The following PRKAG1 variants were observed in gnomAD, a reference collection of about 807,000 sequenced individuals.
PRKAG1 encodes the protein protein kinase AMP-activated non-catalytic subunit gamma 1.
A neutral mutation model predicts 48.2 loss-of-function variants in PRKAG1; 27 were observed. The observed-to-expected ratio is 0.56, with a 90% CI of 0.41 to 0.77. PRKAG1 has a LOEUF of 0.77. PRKAG1 is among the 30% of genes least tolerant of loss of function. The pLI, the probability that PRKAG1 is intolerant of heterozygous loss-of-function variation, is 0.00. For synonymous variants in PRKAG1, 130 were observed against 147.7 expected (o/e 0.88, Z 0.87); for missense variants, 287 against 398.3 (o/e 0.72, Z 2.38).
chr12:49,008,543 T>G (rs796743709), intron 2 of PRKAG1: 3 of 152,214 alleles, frequency 2.0e-5, no homozygotes, highest in African/African-American at 7.2e-5. Context: ...CTATATCGCG[T>G]TTTTATCTTT....
intron 2 of PRKAG1, chr12:49,012,752 G>A: frequency 2.8e-6 from 1 of 358,386 alleles, no homozygotes; most frequent in Non-Finnish European, 5.2e-6. Flanking sequence ...ACTGTTTCTG[G>A]ACTATGCAGA....
At position 49,005,709 on chromosome 12, in the gene PRKAG1, C is replaced by T; in HGVS notation, c.168+34G>A. 1 of 1,608,612 alleles carries T rather than the reference C, an allele frequency of 6.2e-7. No individual in the cohort carries two copies. The highest frequency in any genetic ancestry group is 2.2e-5 in the East Asian group (1 of 44,852). On this transcript the variant is annotated intron_variant, in intron 3 of 11. Transcript: ENST00000548065. The surrounding 1 kb of genome is among the most constrained non-coding windows in gnomAD (Gnocchi z 4.1). ...GATGAGAGGTATTAAACCACAGGCT[C>T]CAAAGGGGGAAGGGAAAAGAGGATT...
intron 7 of PRKAG1, 133 bp downstream of exon 7, chr12:49,004,831 G>T (rs939287361): frequency 3.2e-6 from 3 of 937,722 alleles, no homozygotes; most frequent in African/African-American, 3.3e-5. Context: ...GTGTGTGTGT[G>T]TGTGTGTGTG....
In PRKAG1 at chr12:49,005,026, G is replaced by A. The variant is rs201611001; in HGVS notation, c.356-8C>T. 1 of 1,613,860 alleles carries A rather than the reference G, an allele frequency of 6.2e-7. No individual in the cohort carries two copies. ...AGTCCTGGAGATACACCTCTGAAGGGAAAAGGGATGGGTCACAAAATACCA... is the reference window on the plus strand; with the variant it reads ...AGTCCTGGAGATACACCTCTGAAGGAAAAAGGGATGGGTCACAAAATACCA... On this transcript the variant is annotated splice_polypyrimidine_tract_variant and splice_region_variant and intron_variant, in intron 6 of 11. Transcript: ENST00000548065. The surrounding 1 kb of genome is among the most constrained non-coding windows in gnomAD (Gnocchi z 4.1).
At chr12:49,010,877 T>G (rs970083820) in intron 2 of PRKAG1, among the ~76,000 whole-genome samples, 2 of 151,652 alleles carry the variant, frequency 1.3e-5, no homozygotes, top group Non-Finnish European at 2.9e-5. Context: ...AGAGTCTTGC[T>G]CTGTCACCCA....
intron 1 of PRKAG1, chr12:49,018,345 G>T: frequency 4.4e-6 from 3 of 676,744 alleles, no homozygotes; most frequent in Non-Finnish European, 5.8e-6. Context: ...TGCAAGCGGA[G>T]ATCCCTCTGG....
At chr12:49,004,419 C>A in intron 8 of PRKAG1, 88 bp downstream of exon 8, 3 of 1,528,700 alleles carry the variant, frequency 2.0e-6, no homozygotes, top group Non-Finnish European at 2.7e-6. Flanking sequence ...GCCTGAGCAA[C>A]ACAGTGAGAC....
rs757742288 is a variant in PRKAG1 at position 49,003,799 on chromosome 12, C to T, written c.661G>A (p.Val221Ile). Residue 221 changes from valine to isoleucine, a missense_variant, in exon 9 of 12, where the codon GTA becomes ATA. Physicochemically the swap from Val to Ile is conservative, Grantham distance 29. Transcript: ENST00000548065. The part of the protein sequence containing the change: ...TPVYVALGIF[V>I]QHRVSALPVV... ...GGCAGGGCTGAGACTCGATGCTGTA[C>T]AAAAATCCCCAGAGCCACATAGACG... 1.2e-6 allele frequency: 2 copies of T among 1,613,958 alleles called. No homozygotes were observed. Among genetic ancestry groups the T allele is most frequent in the Non-Finnish European group, 1.7e-6 (2 of 1,179,924 alleles).
intron 2 of PRKAG1, among the ~76,000 whole-genome samples, chr12:49,007,002 T>C (rs1238573606): frequency 2.8e-5 from 4 of 140,810 alleles, no homozygotes; most frequent in African/African-American, 8.0e-5. Flanking sequence ...ATAAATTACA[T>C]TGGCTGGGCG....
In PRKAG1 at chr12:49,003,823, C is replaced by G; in HGVS notation, c.637G>C (p.Val213Leu). 1 of 1,614,048 alleles carries G rather than the reference C, an allele frequency of 6.2e-7. No homozygotes were observed. The highest frequency in any genetic ancestry group is 8.5e-7 in the Non-Finnish European group (1 of 1,179,970). ...NIAMVRTTTP[V>L]YVALGIFVQH... ...ACAAAAATCCCCAGAGCCACATAGA[C>G]GGGGGTGGTAGTGCGAACCATAGCA... The change falls in exon 9 of 12, where the codon GTC (valine) becomes CTC (leucine). Residue 213 changes from valine to leucine, a missense_variant. Physicochemically the swap from Val to Leu is conservative, Grantham distance 32 (BLOSUM62 1). Around this residue, in one of 2 missense-constraint regions of PRKAG1, gnomAD observed 224 missense variants for 344.3 expected, o/e 0.65. Transcript: ENST00000548065.
In PRKAG1 at chr12:49,005,103, C is replaced by T. The variant is rs1296250823; in HGVS notation, c.355+17G>A. 1.2e-6 allele frequency: 2 copies of T among 1,613,726 alleles called. No homozygotes were observed. Among genetic ancestry groups the T allele is most frequent in the East Asian group, 2.2e-5 (1 of 44,878 alleles). On this transcript the variant is annotated intron_variant, in intron 6 of 11. Transcript: ENST00000548065. This position sits in a 1 kb window ranked among gnomAD's most constrained non-coding sequence, Gnocchi z 4.1. ...CGCCATCCCTTTATCCTTTTATAAC[C>T]CCAATTCTCTACATACCTCTCCAAG... is the stretch of plus-strand genomic sequence containing the variant.
intron 2 of PRKAG1, among the ~76,000 whole-genome samples, chr12:49,012,311 G>A (rs936939387): frequency 6.6e-6 from 1 of 152,032 alleles, no homozygotes; most frequent in South Asian, 2.1e-4. Flanking sequence ...CTGTGCTCTG[G>A]ATTTTAGAGG....
Position 49,005,182 on chromosome 12 carries a change from C to T in PRKAG1, c.310-17G>A. ...GATCTGTACCTGAAAGCAGAAGCAA[C>T]AGAATTTGAGACCTGATCTCTCTGC... On this transcript the variant is annotated splice_polypyrimidine_tract_variant and intron_variant, in intron 5 of 11. Coordinates refer to ENST00000548065, the MANE Select transcript of PRKAG1 (RefSeq NM_002733.5). The surrounding 1 kb of genome is among the most constrained non-coding windows in gnomAD (Gnocchi z 4.1). 6.2e-7 allele frequency: 1 copy of T among 1,614,046 alleles called. No individual in the cohort carries two copies. The highest frequency in any genetic ancestry group is 8.5e-7 in the Non-Finnish European group (1 of 1,179,984).
At position 49,003,601 on chromosome 12, in the gene PRKAG1, G is replaced by A; in HGVS notation, c.704-6C>T. ...GTAGATGTCCACCACACGCCCTAGGGGGACAGAGGCAGCTCAGTAAGGAGG... is the reference window on the plus strand; with the variant it reads ...GTAGATGTCCACCACACGCCCTAGGAGGACAGAGGCAGCTCAGTAAGGAGG... On this transcript the variant is annotated splice_polypyrimidine_tract_variant and splice_region_variant and intron_variant, in intron 9 of 11. Transcript: ENST00000548065. The A allele has an allele frequency of 6.2e-7, 1 of 1,613,488 alleles. No individual in the cohort carries two copies.
Position 49,003,254 on chromosome 12 carries a change from CATCTAGG to C in PRKAG1, c.771_777del (p.Asn257LysfsTer4). 2 of 1,614,196 alleles carry C rather than the reference CATCTAGG, an allele frequency of 1.2e-6. No homozygotes were observed. Among genetic ancestry groups the C allele is most frequent in the Non-Finnish European group, 1.7e-6 (2 of 1,180,048 alleles). On this transcript the variant is annotated frameshift_variant, in exon 11 of 12. Coordinates refer to ENST00000548065, the MANE Select transcript of PRKAG1 (RefSeq NM_002733.5). LOFTEE classifies it high-confidence loss of function. ...TGTTGCAAGGCTTTAGTCACAGATA[CATCTAGG>C]TTGTTGTAGGTCTTTTCTGCTGCCA...
intron 10 of PRKAG1, 50 bp downstream of exon 10, chr12:49,003,508 G>GGCCC: frequency 7.3e-7 from 1 of 1,371,372 alleles, no homozygotes; most frequent in Non-Finnish European, 1.0e-6. Context: ...ATTTAACAGT[G>GGCCC]CCCCCCCCCC....
At chr12:49,018,381 C>A (rs1942089620) in intron 1 of PRKAG1, 1 of 1,074,718 alleles carries the variant, frequency 9.3e-7, no homozygotes, top group Non-Finnish European at 1.2e-6. Flanking sequence ...CCCAGCAAAG[C>A]CGGCTCACAA....
chr12:49,012,063 G>A (rs2137674711), intron 2 of PRKAG1, among the ~76,000 whole-genome samples: 1 of 152,024 alleles, frequency 6.6e-6, no homozygotes, highest in South Asian at 2.1e-4. Flanking sequence ...CACGATGTTG[G>A]CCAGGCTGGT....
rs572664137 is a variant in PRKAG1, at chr12:49,008,232, T to C, written c.59-2380A>G. ...AATAGTAAACTCTGATTTTTTTTTC[T>C]TCCTTCACAACTTTGTTTTACCTGG... On this transcript the variant is annotated intron_variant, in intron 2 of 11. Coordinates refer to ENST00000548065, the MANE Select transcript of PRKAG1 (RefSeq NM_002733.5). 4.6e-5 allele frequency among the ~76,000 whole-genome samples: 7 copies of C among 152,330 alleles called. No individual in the cohort carries two copies. In the South Asian group the frequency reaches 1.4e-3, roughly 32 times the overall value.
Sources: gnomAD v4.1 joint callset for allele counts (sites outside exome capture counted in the v4.1 genomes callset) on GRCh38, gnomAD v4.1.1 for gene constraint, gnomAD v4.1.1 regional missense constraint, Gnocchi (gnomAD v3.1) non-coding constraint, MANE v1.5 for transcripts, NCBI Gene and HGNC (gene_info 2026-07-23, HGNC 2026-07-21) for gene names.